Variants in DENND1A observed in about 807,000 individuals in gnomAD.
The protein encoded by DENND1A is DENN domain containing 1A.
In DENND1A, 51 loss-of-function variants were observed where a neutral mutation model predicts 113.7. That is an observed-to-expected ratio of 0.45 (90% CI 0.36 to 0.57). The LOEUF is 0.57. Ranked by LOEUF, DENND1A falls within the 20% of genes least tolerant of loss-of-function variation. DENND1A has a pLI of 0.00. For synonymous variants in DENND1A, 565 were observed against 570.8 expected, an observed-to-expected ratio of 0.99 and a Z score of 0.14; for missense variants, 1,258 against 1,395.9, an observed-to-expected ratio of 0.90 and a Z score of 1.57.
At chr9:123,407,088 T>TGGGTTGGCAATCAGCG (rs1253056545) in intron 20 of DENND1A, among the ~76,000 whole-genome samples, 1 of 134,804 alleles carries the variant, frequency 7.4e-6, no homozygotes, top group Non-Finnish European at 1.5e-5. Context: ...ACAAAAGGAA[T>TGGGTTGGCAATCAGCG]GGGTTGGCAA....
At chr9:123,773,355 A>C (rs1285408663) in intron 3 of DENND1A, among the ~76,000 whole-genome samples, 1 of 152,230 alleles carries the variant, frequency 6.6e-6, no homozygotes, top group Non-Finnish European at 1.5e-5. Context: ...GATTCATTTC[A>C]GTCTACTTTG....
chr9:123,478,062 G>A (rs943170846), intron 13 of DENND1A, among the ~76,000 whole-genome samples: 2 of 152,198 alleles, frequency 1.3e-5, no homozygotes, highest in Admixed American at 6.5e-5. Flanking sequence ...CAGGGTCCCA[G>A]ATTCTGAGTT....
chr9:123,401,411 T>C (rs2043453905), intron 21 of DENND1A: 1 of 928,750 alleles, frequency 1.1e-6, no homozygotes, highest in African/African-American at 1.7e-5. Flanking sequence ...ATACCACTGG[T>C]ATTATGGGAG....
intron 2 of DENND1A, among the ~76,000 whole-genome samples, chr9:123,862,199 C>A (rs1471552119): frequency 6.6e-6 from 1 of 152,074 alleles, no homozygotes; most frequent in East Asian, 1.9e-4. Context: ...ATATACATTC[C>A]ATTTCTTTGG....
intron 4 of DENND1A, among the ~76,000 whole-genome samples, chr9:123,763,775 G>C (rs2071239056): frequency 6.6e-6 from 1 of 152,066 alleles, no homozygotes; most frequent in Non-Finnish European, 1.5e-5. Context: ...CATCAAAGAT[G>C]AGAAGAAGAA....
intron 5 of DENND1A, among the ~76,000 whole-genome samples, chr9:123,745,499 C>A (rs1300295240): frequency 6.6e-6 from 1 of 152,180 alleles, no homozygotes; most frequent in Non-Finnish European, 1.5e-5. Context: ...AATGGTGAAA[C>A]CACTGAAGGA....
chr9:123,517,983 G>GA (rs1021813383), intron 13 of DENND1A, among the ~76,000 whole-genome samples: 2 of 151,896 alleles, frequency 1.3e-5, no homozygotes, highest in Non-Finnish European at 2.9e-5. Flanking sequence ...TTTATAATCA[G>GA]AAAAAAATAT....
intron 1 of DENND1A, among the ~76,000 whole-genome samples, chr9:123,916,791 T>G (rs1181292333): frequency 6.6e-6 from 1 of 152,204 alleles, no homozygotes; most frequent in Non-Finnish European, 1.5e-5. Context: ...TATGCCTGTT[T>G]TGTAGCTTTG....
intron 2 of DENND1A, among the ~76,000 whole-genome samples, chr9:123,851,218 G>C (rs901312202): frequency 2.0e-5 from 3 of 152,286 alleles, no homozygotes; most frequent in East Asian, 3.9e-4. Context: ...AACCACTGGT[G>C]TGCTTTCTGT....
At chr9:123,503,871 G>A (rs1362258519) in intron 13 of DENND1A, among the ~76,000 whole-genome samples, 3 of 152,180 alleles carry the variant, frequency 2.0e-5, no homozygotes, top group African/African-American at 7.2e-5. Context: ...AGTTCAGTCT[G>A]GGCAATGGCT....
intron 9 of DENND1A, among the ~76,000 whole-genome samples, chr9:123,641,883 C>T (rs1000692690): frequency 2.0e-5 from 3 of 152,064 alleles, no homozygotes; most frequent in African/African-American, 2.4e-5. Flanking sequence ...GAGATGGTGC[C>T]CAAGAACCTG....
At chr9:123,895,667 G>C (rs1307583528) in intron 1 of DENND1A, among the ~76,000 whole-genome samples, 1 of 150,612 alleles carries the variant, frequency 6.6e-6, no homozygotes, top group Non-Finnish European at 1.5e-5. Context: ...TTCAGACAAA[G>C]AACTAAGTGA....
chr9:123,919,097 G>A (rs986655423), intron 1 of DENND1A, among the ~76,000 whole-genome samples: 1 of 152,120 alleles, frequency 6.6e-6, no homozygotes, highest in African/African-American at 2.4e-5. Context: ...TATGAACTTC[G>A]CTGATTCAAA....
intron 11 of DENND1A, among the ~76,000 whole-genome samples, chr9:123,601,901 CTCCT>C (rs1308886740): frequency 6.6e-6 from 1 of 151,144 alleles, no homozygotes; most frequent in Non-Finnish European, 1.5e-5. Context: ...GCTGTAAGCC[CTCCT>C]TTCCCCTCCT....
intron 5 of DENND1A, among the ~76,000 whole-genome samples, chr9:123,687,790 T>C (rs2064905897): frequency 1.3e-5 from 2 of 152,248 alleles, no homozygotes; most frequent in Admixed American, 1.3e-4. Flanking sequence ...CACTCTGCCA[T>C]GGGATTCTGT....
At chr9:123,707,256 T>C (rs1005719176) in intron 5 of DENND1A, among the ~76,000 whole-genome samples, 1 of 151,914 alleles carries the variant, frequency 6.6e-6, no homozygotes, top group African/African-American at 2.4e-5. Flanking sequence ...TAGCCAGGCA[T>C]GGTGGCGCAT....
intron 2 of DENND1A, among the ~76,000 whole-genome samples, chr9:123,870,189 T>G (rs1846343783): frequency 6.6e-6 from 1 of 152,078 alleles, no homozygotes. Flanking sequence ...CCTGATTTTC[T>G]GTACAATCCT....
intron 2 of DENND1A, among the ~76,000 whole-genome samples, chr9:123,821,662 T>C (rs1838491432): frequency 6.6e-6 from 1 of 152,234 alleles, no homozygotes; most frequent in African/African-American, 2.4e-5. Context: ...TGTTACTCCA[T>C]CAACTCTAAC....
chr9:123,480,977 A>T (rs916384255), intron 13 of DENND1A, among the ~76,000 whole-genome samples: 8 of 152,226 alleles, frequency 5.3e-5, no homozygotes, highest in Non-Finnish European at 1.2e-4. Flanking sequence ...ATGCGCACAC[A>T]TTGTTTAAAA....
Sources: allele counts gnomAD v4.1 joint callset (sites outside exome capture counted in the v4.1 genomes callset), GRCh38; gene constraint gnomAD v4.1.1; transcripts MANE v1.5; gene names NCBI Gene and HGNC (gene_info 2026-07-23, HGNC 2026-07-21).